The following TNS1 variants were observed in gnomAD, a reference collection of about 807,000 sequenced individuals.
TNS1 encodes tensin-1.
In TNS1, 62 loss-of-function variants were observed where a neutral mutation model predicts 168.6. That is an observed-to-expected ratio of 0.37 (90% CI 0.30 to 0.45). TNS1 has a LOEUF of 0.45. Ranked by LOEUF, TNS1 falls within the 20% of genes least tolerant of loss-of-function variation. The pLI, the probability that TNS1 is intolerant of heterozygous loss-of-function variation, is 1.00. For synonymous variants in TNS1, 934 were observed against 933.2 expected (o/e 1.00, Z -0.02); for missense variants, 2,240 against 2,339.4 (o/e 0.96, Z 0.88).
chr2:217,866,270 G>T (rs961556319), intron 18 of TNS1, among the ~76,000 whole-genome samples: 9 of 152,216 alleles, frequency 5.9e-5, no homozygotes, highest in Non-Finnish European at 1.2e-4. Flanking sequence ...ACTCCACTGT[G>T]CAATGGCAGA....
Position 217,985,345 on chromosome 2 carries a change from T to C in TNS1, c.148+5597A>G, listed in dbSNP as rs981563109. The stretch of plus-strand genomic sequence containing the variant: ...GTTTGGAGCCCAGCATATATATATA[T>C]AATCTCATTTAATCCCACAGTACCT... On this transcript the variant is annotated intron_variant, in intron 2 of 32. Transcript: ENST00000682258. 2.0e-5 allele frequency: 3 copies of C among 152,302 alleles called. No individual in the cohort carries two copies. In the East Asian group the frequency reaches 5.8e-4, roughly 29 times the overall value. The allele number at this position is 152,302 out of a possible 1,614,324, so 9.4% of individuals were successfully genotyped here.
chr2:218,002,892 T>C lies in TNS1; in HGVS notation c.-20A>G. 1 of 456,790 alleles carries C rather than the reference T, an allele frequency of 2.2e-6. No homozygotes were observed. 28.3% of individuals were successfully genotyped at this position (456,790 alleles called of 1,614,324 possible). A position where few individuals can be genotyped will look rare whatever the true frequency, so the allele number is the denominator to read the frequency against. ...CGTCATCTTTGCTGGGTCCCGTCACTGAGGCACGCCCAGGGCCTGTGAAGA... is the reference window on the plus strand; with the variant it reads ...CGTCATCTTTGCTGGGTCCCGTCACCGAGGCACGCCCAGGGCCTGTGAAGA... On this transcript the variant is annotated 5_prime_UTR_variant, in exon 1 of 33. Coordinates refer to ENST00000682258, the MANE Select transcript of TNS1 (RefSeq NM_001387777.1).
chr2:217,834,581 T>TTTA (rs1944906535), intron 21 of TNS1, among the ~76,000 whole-genome samples: 1 of 152,144 alleles, frequency 6.6e-6, no homozygotes, highest in African/African-American at 2.4e-5. Flanking sequence ...GGGGGCTAAA[T>TTTA]GCCTCTGCCT....
rs1019931689 is a variant in TNS1, at chr2:217,858,004, C to T, written c.1430-8917G>A. Among the ~76,000 whole-genome samples, 3 of 152,104 alleles carry T rather than the reference C, an allele frequency of 2.0e-5. No homozygotes were observed. The East Asian group carries it at 5.8e-4, about 29-fold the overall frequency. ...AATCTCTGCCAAAGTCAGGAGAAAG[C>T]CGTGAATGGGAGCCCACAGGAGGCC... On this transcript the variant is annotated intron_variant, in intron 18 of 32. Coordinates refer to ENST00000682258, the MANE Select transcript of TNS1 (RefSeq NM_001387777.1).
intron 1 of TNS1, among the ~76,000 whole-genome samples, chr2:218,001,367 G>A (rs544962922): frequency 6.6e-6 from 1 of 152,114 alleles, no homozygotes. Context: ...TCACCAACGG[G>A]AAAGCAGAGG....
chr2:218,030,861 CAG>C, intron 1 of TNS1, among the ~76,000 whole-genome samples: 1 of 151,852 alleles, frequency 6.6e-6, no homozygotes, highest in Non-Finnish European at 1.5e-5. Context: ...CTGTGTGTGT[CAG>C]TGTGTGTGTG....
At chr2:217,845,011 A>C (rs1451241420) in intron 19 of TNS1, among the ~76,000 whole-genome samples, 1 of 152,224 alleles carries the variant, frequency 6.6e-6, no homozygotes, top group Non-Finnish European at 1.5e-5. Flanking sequence ...CCAATGCTCC[A>C]CAGGAAAGTG....
At chr2:218,000,880 A>G (rs572966906) in intron 1 of TNS1, among the ~76,000 whole-genome samples, 2 of 152,328 alleles carry the variant, frequency 1.3e-5, no homozygotes, top group East Asian at 3.9e-4. Flanking sequence ...GGCCAGGCGC[A>G]GTGGCTCACA....
chr2:217,861,452 C>T (rs945065695), intron 18 of TNS1, among the ~76,000 whole-genome samples: 4 of 152,184 alleles, frequency 2.6e-5, no homozygotes, highest in African/African-American at 9.7e-5. Flanking sequence ...CCCATGTGGG[C>T]GCTCTGACTT....
chr2:217,849,211 C>G, intron 18 of TNS1, 124 bp from the exon 19 acceptor site: 1 of 1,180,008 alleles, frequency 8.5e-7, no homozygotes, highest in South Asian at 1.5e-5. Context: ...AAAACCTCCT[C>G]TCACCACCCT....
intron 3 of TNS1, among the ~76,000 whole-genome samples, chr2:217,925,497 C>T (rs911940830): frequency 1.1e-4 from 16 of 152,206 alleles, no homozygotes; most frequent in African/African-American, 3.1e-4. Context: ...CTCACACTCA[C>T]CTGGCCCCTG....
chr2:217,980,504 C>CAG lies in TNS1; in HGVS notation c.149-1703_149-1702insCT, dbSNP rs1217065280. Among the ~76,000 whole-genome samples the CAG allele has an allele frequency of 7.7e-3, 1,006 of 131,236 alleles. 18 individuals carry two copies. The highest frequency in any genetic ancestry group is 0.026 in the African/African-American group (916 of 35,354). 86.1% of individuals were successfully genotyped at this position (131,236 alleles called of 152,430 possible). A position where few individuals can be genotyped will look rare whatever the true frequency, so the allele number is the denominator to read the frequency against. On this transcript the variant is annotated intron_variant, in intron 2 of 32. Transcript: ENST00000682258. ...TGCCTCTCTCTCTCTCCTACACACA[C>CAG]ACAGAGAGAGAGAGAGAGAGAGAGA...
chr2:217,997,427 T>G (rs752393055), intron 1 of TNS1, among the ~76,000 whole-genome samples: 4 of 152,222 alleles, frequency 2.6e-5, no homozygotes, highest in Non-Finnish European at 4.4e-5. Context: ...AGACACGTTA[T>G]CCACCTCTCA....
chr2:217,885,595 A>G, intron 15 of TNS1, 149 bp downstream of exon 15: 1 of 723,884 alleles, frequency 1.4e-6, no homozygotes, highest in Non-Finnish European at 2.3e-6. Flanking sequence ...TGAGACTGGA[A>G]GGTCTTCCAA....
intron 9 of TNS1, 116 bp from the exon 10 acceptor site, chr2:217,893,677 C>A (rs1027385319): frequency 1.5e-5 from 22 of 1,425,038 alleles, no homozygotes; most frequent in Non-Finnish European, 2.0e-5. Context: ...GCTGCTGGTT[C>A]CTGCCAGGAC....
chr2:217,976,821 G>C (rs1957908622), intron 3 of TNS1, among the ~76,000 whole-genome samples: 1 of 152,180 alleles, frequency 6.6e-6, no homozygotes, highest in Non-Finnish European at 1.5e-5. Flanking sequence ...AATATATCCT[G>C]CTGCTGTCAA....
chr2:218,004,061 T>C (rs1958623589), upstream of TNS1, among the ~76,000 whole-genome samples: 1 of 152,196 alleles, frequency 6.6e-6, no homozygotes, highest in African/African-American at 2.4e-5. Flanking sequence ...CCTTCCTCTT[T>C]GAGCTCTGGC....
At chr2:217,823,185 G>A (rs191204440) in intron 22 of TNS1, among the ~76,000 whole-genome samples, 2 of 152,248 alleles carry the variant, frequency 1.3e-5, no homozygotes, top group East Asian at 1.9e-4. Flanking sequence ...ACACTTTTTT[G>A]TAAAGACTTA....
At chr2:218,027,363 C>A (rs1958859924) in intron 1 of TNS1, among the ~76,000 whole-genome samples, 1 of 152,034 alleles carries the variant, frequency 6.6e-6, no homozygotes, top group South Asian at 2.1e-4. Context: ...TCTGATCCTG[C>A]CTCTCCCCCG....
Sources: allele counts gnomAD v4.1 joint callset (sites outside exome capture counted in the v4.1 genomes callset), GRCh38; gene constraint gnomAD v4.1.1; transcripts MANE v1.5; gene names NCBI Gene and HGNC (gene_info 2026-07-23, HGNC 2026-07-21).